CFDP1: variants seen among roughly 807,000 people sequenced by gnomAD.
CFDP1 encodes heterochromatin-stabilizing protein CFDP1.
A neutral mutation model predicts 40.1 loss-of-function variants in CFDP1; 31 were observed. That is an observed-to-expected ratio of 0.77 (90% CI 0.58 to 1.04). The LOEUF (loss-of-function observed/expected upper bound fraction) is 1.04. CFDP1 is among the 50% of genes least tolerant of loss of function. The probability of loss-of-function intolerance (pLI) is 0.00; values close to 1 mark genes in which losing one functional copy is unlikely to be tolerated. For missense variants in CFDP1, 423 were observed against 343.4 expected, an observed-to-expected ratio of 1.23 and a Z score of -1.83; for synonymous variants, 167 against 120.0, an observed-to-expected ratio of 1.39 and a Z score of -2.56.
intron 5 of CFDP1, among the ~76,000 whole-genome samples, chr16:75,353,748 CAAAAAAAAAA>C (rs3975152): frequency 1.4e-5 from 1 of 72,340 alleles, no homozygotes; most frequent in African/African-American, 6.0e-5. Context: ...AAGTCCGTCT[CAAAAAAAAAA>C]AAAAAAAAAA....
chr16:75,357,347 C>T (rs1372558672), intron 5 of CFDP1, among the ~76,000 whole-genome samples: 2 of 152,084 alleles, frequency 1.3e-5, no homozygotes, highest in African/African-American at 4.8e-5. Flanking sequence ...CTCCACCTCC[C>T]GAGTTCAAGC....
At chr16:75,295,411 C>A (rs1031780297) in intron 6 of CFDP1, among the ~76,000 whole-genome samples, 1 of 152,212 alleles carries the variant, frequency 6.6e-6, no homozygotes, top group South Asian at 2.1e-4. Flanking sequence ...TAAATAATGG[C>A]TAGTCATCTC....
intron 5 of CFDP1, among the ~76,000 whole-genome samples, chr16:75,340,927 GT>G (rs1399476038): frequency 6.6e-6 from 1 of 152,140 alleles, no homozygotes; most frequent in Non-Finnish European, 1.5e-5. Context: ...GTAATGGCTG[GT>G]TGTTTCCTGC....
At position 75,411,938 on chromosome 16, in the gene CFDP1, A is replaced by G. The variant is rs2079166618; in HGVS notation, c.417T>C (p.Thr139=). The G allele has an allele frequency of 1.2e-6, 2 of 1,608,012 alleles. No individual in the cohort carries two copies. The highest frequency in any genetic ancestry group is 1.3e-5 in the African/African-American group (1 of 74,624). Residue 139 remains threonine, a synonymous_variant, in exon 4 of 7, where the codon ACT becomes ACC. Coordinates refer to ENST00000283882, the MANE Select transcript of CFDP1 (RefSeq NM_006324.3). ...ACAATTTACTTGAACTTGTCTCTTC[A>G]GTCTCCTCTCCTTTCTATAAAAAAA... ...PSTQVKKGEE[T]EETSSSKLLV...
chr16:75,298,908 A>C (rs17674216), intron 6 of CFDP1, among the ~76,000 whole-genome samples: 2 of 152,100 alleles, frequency 1.3e-5, no homozygotes, highest in Non-Finnish European at 1.5e-5. Context: ...TGCCGCTCCA[A>C]CTCACAAAAA....
At chr16:75,431,952 C>T (rs1597416186) in intron 1 of CFDP1, among the ~76,000 whole-genome samples, 1 of 146,086 alleles carries the variant, frequency 6.8e-6, no homozygotes, top group Admixed American at 7.0e-5. Context: ...CGCTCTGTCA[C>T]CCAGGCTGGA....
At chr16:75,398,090 G>A (rs1196596353) in intron 4 of CFDP1, among the ~76,000 whole-genome samples, 1 of 152,234 alleles carries the variant, frequency 6.6e-6, no homozygotes, top group Non-Finnish European at 1.5e-5. Flanking sequence ...GCTTAGCTGA[G>A]CCGAGTCTAA....
Position 75,307,481 on chromosome 16 carries a change from T to C in CFDP1, c.651-2299A>G, listed in dbSNP as rs563876664. On this transcript the variant is annotated intron_variant, in intron 5 of 6. Coordinates refer to ENST00000283882, the MANE Select transcript of CFDP1 (RefSeq NM_006324.3). ...ATCTGCCCACCTCGGCCCCCCAAAG[T>C]GCTGGGATTACAGGTGTGAGCCACT... 3.9e-5 allele frequency among the ~76,000 whole-genome samples: 6 copies of C among 152,234 alleles called. No homozygotes were observed. The East Asian group carries it at 9.7e-4, about 25-fold the overall frequency.
At chr16:75,313,939 C>T (rs979322037) in intron 5 of CFDP1, among the ~76,000 whole-genome samples, 2 of 152,090 alleles carry the variant, frequency 1.3e-5, no homozygotes, top group Admixed American at 6.5e-5. Flanking sequence ...AGCTACAGTG[C>T]AGTGGTGCAA....
intron 5 of CFDP1, among the ~76,000 whole-genome samples, chr16:75,335,885 G>C (rs967943589): frequency 6.6e-6 from 1 of 152,112 alleles, no homozygotes; most frequent in African/African-American, 2.4e-5. Context: ...TTACATTTGT[G>C]TCTGGAAATA....
At chr16:75,383,521 T>C (rs977981540) in intron 5 of CFDP1, among the ~76,000 whole-genome samples, 2 of 152,118 alleles carry the variant, frequency 1.3e-5, no homozygotes, top group Non-Finnish European at 2.9e-5. Flanking sequence ...TTGCAAAGGA[T>C]CAATAAGATA....
chr16:75,388,022 C>G (rs1490706716), intron 5 of CFDP1, among the ~76,000 whole-genome samples: 1 of 152,168 alleles, frequency 6.6e-6, no homozygotes, highest in African/African-American at 2.4e-5. Context: ...AACAAAAAAA[C>G]ATCTATCAGG....
chr16:75,379,135 GA>G (rs1434089478), intron 5 of CFDP1, among the ~76,000 whole-genome samples: 2 of 151,228 alleles, frequency 1.3e-5, no homozygotes, highest in African/African-American at 4.9e-5. Flanking sequence ...GTGTAAAGAG[GA>G]AAAGTCTCAA....
intron 5 of CFDP1, among the ~76,000 whole-genome samples, chr16:75,381,573 T>A (rs1385700787): frequency 6.6e-6 from 1 of 152,174 alleles, no homozygotes; most frequent in African/African-American, 2.4e-5. Flanking sequence ...ACAGGCAGTT[T>A]TGGCCCAGCA....
At chr16:75,323,611 T>C (rs545216774) in intron 5 of CFDP1, among the ~76,000 whole-genome samples, 97 of 152,118 alleles carry the variant, frequency 6.4e-4, no homozygotes, top group African/African-American at 2.3e-3. Context: ...TGAAACCCGA[T>C]CTCTACTGAA....
At chr16:75,299,519 C>T (rs1412850909) in intron 6 of CFDP1, among the ~76,000 whole-genome samples, 2 of 151,532 alleles carry the variant, frequency 1.3e-5, no homozygotes, top group Admixed American at 6.6e-5. Flanking sequence ...GGCGTGAACC[C>T]GGGAGGCGGA....
chr16:75,404,369 C>G (rs2079080997), intron 4 of CFDP1, among the ~76,000 whole-genome samples: 2 of 151,438 alleles, frequency 1.3e-5, no homozygotes. Flanking sequence ...CTACAGGCAC[C>G]CGCCACTGCA....
intron 5 of CFDP1, among the ~76,000 whole-genome samples, chr16:75,338,638 TTC>T (rs2078506831): frequency 6.6e-6 from 1 of 152,210 alleles, no homozygotes; most frequent in Non-Finnish European, 1.5e-5. Context: ...CTAATGCATT[TTC>T]TGTTTTTTTG....
intron 5 of CFDP1, among the ~76,000 whole-genome samples, chr16:75,373,781 T>A (rs955504892): frequency 1.2e-4 from 19 of 152,190 alleles, no homozygotes; most frequent in African/African-American, 3.9e-4. Flanking sequence ...AAGGGAAGCC[T>A]TGACTTCCTC....
Sources: gnomAD v4.1 joint callset for allele counts (sites outside exome capture counted in the v4.1 genomes callset) on GRCh38, gnomAD v4.1.1 for gene constraint, MANE v1.5 for transcripts, NCBI Gene and HGNC (gene_info 2026-07-23, HGNC 2026-07-21) for gene names.